PPHLN1: variants seen among roughly 807,000 people sequenced by gnomAD.
PPHLN1 encodes periphilin 1.
A neutral mutation model predicts 51.3 loss-of-function variants in PPHLN1; 29 were observed. The ratio of observed to expected loss-of-function variants is 0.57; its 90% CI spans 0.42 to 0.77. The LOEUF is 0.77. PPHLN1 is among the 30% of genes least tolerant of loss of function. The pLI, the probability that PPHLN1 is intolerant of heterozygous loss-of-function variation, is 0.00. For synonymous variants in PPHLN1, 147 were observed against 147.8 expected, an observed-to-expected ratio of 0.99 and a Z score of 0.04; for missense variants, 436 against 438.4, an observed-to-expected ratio of 0.99 and a Z score of 0.05.
chr12:42,446,092 G>GC (rs1566061441), downstream of PPHLN1: 1 of 1,552,178 alleles, frequency 6.4e-7, no homozygotes, highest in Admixed American at 2.0e-5. Flanking sequence ...AGGCCCCGCA[G>GC]CCCCTGCAGC....
chr12:42,336,006 A>C (rs761874271), intron 2 of PPHLN1, 32 bp downstream of exon 2: 1 of 1,405,070 alleles, frequency 7.1e-7, no homozygotes, highest in East Asian at 2.5e-5. Context: ...AATGATTCAA[A>C]AACCTGGTGT....
Position 42,387,472 on chromosome 12 carries a change from C to T in PPHLN1, c.585C>T (p.Val195=). The T allele has an allele frequency of 6.2e-7, 1 of 1,612,818 alleles. No individual in the cohort carries two copies. The highest frequency in any genetic ancestry group is 8.5e-7 in the Non-Finnish European group (1 of 1,179,528). The change falls in exon 7 of 10, where the codon GTC becomes GTT. Residue 195 remains valine (V), a synonymous_variant. Coordinates refer to ENST00000358314, the MANE Select transcript of PPHLN1 (RefSeq NM_201439.2). ...CTTATATAGATAAAGAGAGGCCTGT[C>T]CAGTCTTTGAAAACATCAAGAGATA... The part of the protein sequence containing the change: ...GNPERDKERP[V]QSLKTSRDTS...
rs192941540 is a variant in PPHLN1 at position 42,364,829 on chromosome 12, G to A, written c.299+9607G>A. 1.6e-4 allele frequency among the ~76,000 whole-genome samples: 25 copies of A among 152,286 alleles called. No homozygotes were observed. The East Asian group carries it at 4.4e-3, about 27-fold the overall frequency. On this transcript the variant is annotated intron_variant, in intron 4 of 9. Coordinates refer to ENST00000358314, the MANE Select transcript of PPHLN1 (RefSeq NM_201439.2). The stretch of plus-strand genomic sequence containing the variant: ...CCAGCTGCTCGGAAGGCTGAGGCAC[G>A]AGAATCACTTGGACCTGGGAGGCGG...
chr12:42,432,649 A>G (rs1201355189), intron 9 of PPHLN1, among the ~76,000 whole-genome samples: 1 of 152,196 alleles, frequency 6.6e-6, no homozygotes, highest in Admixed American at 6.5e-5. Flanking sequence ...TAGATTCTAA[A>G]TGTTCCAGTG....
At chr12:42,391,987 C>T (rs2077758900) in intron 7 of PPHLN1, among the ~76,000 whole-genome samples, 1 of 152,150 alleles carries the variant, frequency 6.6e-6, no homozygotes, top group Non-Finnish European at 1.5e-5. Flanking sequence ...GAGGCCGAGG[C>T]AGGCGGATAA....
At chr12:42,345,926 T>G (rs1019773629) in intron 2 of PPHLN1, among the ~76,000 whole-genome samples, 3 of 152,144 alleles carry the variant, frequency 2.0e-5, no homozygotes, top group Admixed American at 6.5e-5. Context: ...TTTACTTATT[T>G]TTAACATTAA....
At chr12:42,369,892 T>C (rs2075634006) in intron 4 of PPHLN1, among the ~76,000 whole-genome samples, 1 of 152,216 alleles carries the variant, frequency 6.6e-6, no homozygotes, top group Admixed American at 6.5e-5. Flanking sequence ...CCTTCTTCCT[T>C]GATGATTACA....
At chr12:42,405,221 C>G (rs552573756) in intron 9 of PPHLN1, among the ~76,000 whole-genome samples, 12 of 152,256 alleles carry the variant, frequency 7.9e-5, no homozygotes, top group African/African-American at 2.9e-4. Context: ...ATAAGTTGTT[C>G]TCATACTTTC....
At chr12:42,374,746 AC>A (rs1167263808) in intron 4 of PPHLN1, 116 bp from the exon 5 acceptor site, 1 of 848,998 alleles carries the variant, frequency 1.2e-6, no homozygotes, top group African/African-American at 1.7e-5. Flanking sequence ...GAGTCACCGC[AC>A]CCGGCCCCAA....
At chr12:42,424,724 A>G (rs2081277662) in intron 9 of PPHLN1, among the ~76,000 whole-genome samples, 1 of 147,742 alleles carries the variant, frequency 6.8e-6, no homozygotes, top group African/African-American at 2.4e-5. Flanking sequence ...CTTCAGCCAC[A>G]AAAAAAGAGA....
At chr12:42,416,790 G>T (rs1669895) in intron 9 of PPHLN1, among the ~76,000 whole-genome samples, 45,885 of 151,820 alleles carry the variant, frequency 0.3, 7,869 homozygotes, top group Non-Finnish European at 0.38. Flanking sequence ...GAAAAGGATG[G>T]GATTATATAG....
chr12:42,415,541 C>T (rs1479807124), intron 9 of PPHLN1, among the ~76,000 whole-genome samples: 1 of 152,212 alleles, frequency 6.6e-6, no homozygotes, highest in Admixed American at 6.5e-5. Flanking sequence ...GAGATCCTAG[C>T]TTTATGTAGA....
At chr12:42,360,110 C>A (rs201693966) in intron 4 of PPHLN1, among the ~76,000 whole-genome samples, 94 of 123,072 alleles carry the variant, frequency 7.6e-4, no homozygotes, top group Middle Eastern at 3.8e-3. Flanking sequence ...GACTCCATCT[C>A]AAAAAAAAAA....
intron 2 of PPHLN1, among the ~76,000 whole-genome samples, chr12:42,341,098 A>G (rs897538906): frequency 2.0e-5 from 3 of 150,864 alleles, no homozygotes; most frequent in South Asian, 2.1e-4. Flanking sequence ...CTTGTGCCTC[A>G]GCCTCCCTGA....
intron 4 of PPHLN1, among the ~76,000 whole-genome samples, chr12:42,366,837 A>G (rs1444244396): frequency 6.6e-6 from 1 of 152,220 alleles, no homozygotes; most frequent in African/African-American, 2.4e-5. Flanking sequence ...GGTCCTAAAA[A>G]GGGAAATACT....
intron 5 of PPHLN1, among the ~76,000 whole-genome samples, chr12:42,376,366 A>G (rs1339601340): frequency 6.6e-6 from 1 of 152,250 alleles, no homozygotes; most frequent in Non-Finnish European, 1.5e-5. Flanking sequence ...AAGATTCTTG[A>G]GTTTAGCAAA....
At chr12:42,342,683 G>C (rs999308227) in intron 2 of PPHLN1, among the ~76,000 whole-genome samples, 7 of 152,164 alleles carry the variant, frequency 4.6e-5, no homozygotes, top group Admixed American at 2.6e-4. Flanking sequence ...AGTCCTATCT[G>C]CTTATCCCTG....
chr12:42,383,983 C>CAAAAAAAAAAAAAAAA lies in PPHLN1; in HGVS notation c.512-944_512-929dup, dbSNP rs61016692. ...TGGGCAACAGAGTGAGACTGTGTCT[C>CAAAAAAAAAAAAAAAA]AAAAAAAAAAAAAAAAAAAAAAAAA... On this transcript the variant is annotated intron_variant, in intron 5 of 9. Coordinates refer to ENST00000358314, the MANE Select transcript of PPHLN1 (RefSeq NM_201439.2). 5.8e-5 allele frequency among the ~76,000 whole-genome samples: 3 copies of CAAAAAAAAAAAAAAAA among 51,642 alleles called. 1 individual carries two copies. Among genetic ancestry groups the CAAAAAAAAAAAAAAAA allele is most frequent in the Non-Finnish European group, 1.2e-4 (3 of 24,744 alleles). The allele number at this position is 51,642 out of a possible 152,430, so 33.9% of individuals were successfully genotyped here.
At chr12:42,383,810 C>G (rs1441054006) in intron 5 of PPHLN1, among the ~76,000 whole-genome samples, 1 of 150,412 alleles carries the variant, frequency 6.6e-6, no homozygotes, top group African/African-American at 2.5e-5. Context: ...GAAACCTCGT[C>G]TCTACTAAAA....
Sources: gnomAD v4.1 joint callset for allele counts (sites outside exome capture counted in the v4.1 genomes callset) on GRCh38, gnomAD v4.1.1 for gene constraint, MANE v1.5 for transcripts, NCBI Gene and HGNC (gene_info 2026-07-23, HGNC 2026-07-21) for gene names.